CNTRL: variants seen among roughly 807,000 people sequenced by gnomAD.
CNTRL encodes the protein 110 kDa centrosomal protein.
A neutral mutation model predicts 303.7 loss-of-function variants in CNTRL; 233 were observed. The observed-to-expected ratio is 0.77, with a 90% CI of 0.69 to 0.86. The LOEUF is 0.86. Among genes scored for constraint, CNTRL ranks in the 40% least tolerant of loss-of-function variants. CNTRL has a pLI of 0.00. For missense variants in CNTRL, 2,524 were observed against 2,650.6 expected (o/e 0.95, Z 1.05); for synonymous variants, 900 against 922.2 (o/e 0.98, Z 0.44).
At chr9:121,176,988 G>A (rs1231556948) in intron 43 of CNTRL, among the ~76,000 whole-genome samples, 175 bp from the exon 44 acceptor site, 1 of 152,026 alleles carries the variant, frequency 6.6e-6, no homozygotes, top group Non-Finnish European at 1.5e-5. Context: ...GCAGTTTTAA[G>A]AATAACCGTT....
intron 8 of CNTRL, among the ~76,000 whole-genome samples, chr9:121,111,790 A>G (rs1268906620): frequency 6.6e-6 from 1 of 152,102 alleles, no homozygotes; most frequent in Non-Finnish European, 1.5e-5. Context: ...AGAGAATTAG[A>G]TTGGATCATT....
At chr9:121,086,119 T>C (rs2048331323) in intron 2 of CNTRL, among the ~76,000 whole-genome samples, 1 of 152,116 alleles carries the variant, frequency 6.6e-6, no homozygotes, top group Non-Finnish European at 1.5e-5. Context: ...ATAGAATCAA[T>C]ATTGTTGGAC....
At chr9:121,122,865 C>T (rs2050307715) in intron 12 of CNTRL, among the ~76,000 whole-genome samples, 1 of 152,074 alleles carries the variant, frequency 6.6e-6, no homozygotes, top group South Asian at 2.1e-4. Flanking sequence ...GCTCTGTTTT[C>T]CACCATGGGT....
chr9:121,144,439 C>T (rs1397949693), intron 20 of CNTRL, among the ~76,000 whole-genome samples: 1 of 152,152 alleles, frequency 6.6e-6, no homozygotes, highest in Non-Finnish European at 1.5e-5. Context: ...TCATCTCGTG[C>T]AGTCATGTGA....
At chr9:121,086,905 G>A (rs904008303) in intron 2 of CNTRL, among the ~76,000 whole-genome samples, 2 of 151,992 alleles carry the variant, frequency 1.3e-5, no homozygotes, top group South Asian at 2.1e-4. Context: ...CACCTGACTC[G>A]GCCTCCCAAA....
At chr9:121,162,894 T>G (rs1456823533) in intron 34 of CNTRL, among the ~76,000 whole-genome samples, 1 of 152,146 alleles carries the variant, frequency 6.6e-6, no homozygotes, top group Non-Finnish European at 1.5e-5. Flanking sequence ...CTGACATATA[T>G]GTGAACAACT....
At chr9:121,165,250 C>G in intron 35 of CNTRL, 150 bp downstream of exon 35, 1 of 689,438 alleles carries the variant, frequency 1.5e-6, no homozygotes, top group Non-Finnish European at 2.3e-6. Flanking sequence ...TTGGAATATA[C>G]TAAAAGCCTT....
intron 8 of CNTRL, among the ~76,000 whole-genome samples, chr9:121,109,700 A>G (rs1202669893): frequency 1.3e-5 from 2 of 152,156 alleles, no homozygotes; most frequent in African/African-American, 4.8e-5. Flanking sequence ...GTTAATGTAC[A>G]CTTCAAAAAG....
chr9:121,165,193 G>A (rs2053038010), intron 35 of CNTRL, 93 bp downstream of exon 35: 1 of 1,243,048 alleles, frequency 8.0e-7, no homozygotes, highest in African/African-American at 1.6e-5. Flanking sequence ...CTGCTAATGA[G>A]CATGGTGTTT....
chr9:121,117,981 A>G (rs560572474), intron 11 of CNTRL, among the ~76,000 whole-genome samples: 151 of 151,506 alleles, frequency 1.0e-3, no homozygotes, highest in African/African-American at 3.4e-3. Context: ...TCCGTCTCAA[A>G]AAAAAAAAAA....
intron 14 of CNTRL, among the ~76,000 whole-genome samples, chr9:121,129,432 CTCTG>C (rs557736015): frequency 1.4e-3 from 219 of 151,972 alleles, no homozygotes; most frequent in Admixed American, 2.9e-3. Flanking sequence ...CGATTTGGCT[CTCTG>C]TCTATTATTG....
intron 25 of CNTRL, 93 bp downstream of exon 25, chr9:121,150,576 G>A (rs1232898019): frequency 8.6e-7 from 1 of 1,158,696 alleles, no homozygotes; most frequent in Non-Finnish European, 1.3e-6. Flanking sequence ...TTTATGACTG[G>A]ATTATATGGC....
chr9:121,173,851 A>G, intron 42 of CNTRL, 114 bp downstream of exon 42: 1 of 991,308 alleles, frequency 1.0e-6, no homozygotes, highest in Non-Finnish European at 1.6e-6. Flanking sequence ...CAGCCCTGCC[A>G]GCAGTGTCAG....
chr9:121,132,238 T>A (rs571307291), intron 14 of CNTRL, among the ~76,000 whole-genome samples: 1 of 152,390 alleles, frequency 6.6e-6, no homozygotes, highest in South Asian at 2.1e-4. Flanking sequence ...CCAACTTAGT[T>A]CCATTCTCCC....
At chr9:121,147,861 GT>G (rs2051973044) in intron 23 of CNTRL, among the ~76,000 whole-genome samples, 1 of 152,174 alleles carries the variant, frequency 6.6e-6, no homozygotes. Context: ...GGTGGAAGCA[GT>G]ATAAATTAGA....
intron 26 of CNTRL, among the ~76,000 whole-genome samples, chr9:121,153,397 C>A (rs183910993): frequency 3.3e-5 from 5 of 152,306 alleles, no homozygotes; most frequent in Non-Finnish European, 2.9e-5. Flanking sequence ...ACGTTTTCTC[C>A]TGCCTCTACA....
chr9:121,138,672 A>C lies in CNTRL; in HGVS notation c.2330A>C (p.His777Pro). The change falls in exon 16 of 44, where the codon CAC (histidine) becomes CCC (proline). Residue 777 changes from histidine to proline, a missense_variant. His to Pro is a moderately conservative substitution (Grantham distance 77, BLOSUM62 -2). Coordinates refer to ENST00000373855, the MANE Select transcript of CNTRL (RefSeq NM_007018.6). Reference protein sequence around the residue: ...ENSELHAKLKHLQDDNNLLKQ... With the variant: ...ENSELHAKLKPLQDDNNLLKQ... The stretch of plus-strand genomic sequence containing the variant: ...AGTGAGCTCCATGCAAAACTTAAAC[A>C]CTTGCAGGTAGAGATTTGTTGTTTT... 6.2e-7 allele frequency: 1 copy of C among 1,613,316 alleles called. No homozygotes were observed. The highest frequency in any genetic ancestry group is 1.3e-5 in the African/African-American group (1 of 75,012).
At chr9:121,108,573 A>G (rs1175582973) in intron 8 of CNTRL, among the ~76,000 whole-genome samples, 2 of 151,520 alleles carry the variant, frequency 1.3e-5, no homozygotes, top group African/African-American at 4.9e-5. Flanking sequence ...TTCTATACCT[A>G]TTTTTGTTAG....
chr9:121,164,099 C>T (rs10985169), intron 34 of CNTRL, among the ~76,000 whole-genome samples: 12,465 of 152,108 alleles, frequency 0.082, 1,210 homozygotes, highest in African/African-American at 0.22. Context: ...CCCCTGACCT[C>T]GTGATCCACC....
Sources: allele counts gnomAD v4.1 joint callset (sites outside exome capture counted in the v4.1 genomes callset), GRCh38; gene constraint gnomAD v4.1.1; transcripts MANE v1.5; gene names NCBI Gene and HGNC (gene_info 2026-07-23, HGNC 2026-07-21).